Variants in COL14A1 observed in about 807,000 individuals in gnomAD.
The protein encoded by COL14A1 is collagen alpha-1(XIV) chain.
COL14A1 carries 136 observed loss-of-function variants against 230.3 expected under a neutral mutation model. The ratio of observed to expected loss-of-function variants is 0.59; its 90% confidence interval spans 0.51 to 0.68. The LOEUF (loss-of-function observed/expected upper bound fraction) is 0.68, where lower values mean the gene tolerates loss of function less well. COL14A1 is among the 30% of genes least tolerant of loss of function. The pLI is 0.00. For synonymous variants in COL14A1, 792 were observed against 784.1 expected (o/e 1.01, Z -0.17); for missense variants, 1,976 against 2,215.8 (o/e 0.89, Z 2.17).
At chr8:120,207,410 T>C (rs953603431) in intron 10 of COL14A1, among the ~76,000 whole-genome samples, 12 of 111,842 alleles carry the variant, frequency 1.1e-4, no homozygotes, top group African/African-American at 5.4e-4. Flanking sequence ...GGACCCCTTT[T>C]GCTATTTGTG....
intron 33 of COL14A1, among the ~76,000 whole-genome samples, chr8:120,286,452 C>T (rs530707497): frequency 7.9e-5 from 12 of 152,020 alleles, no homozygotes; most frequent in Admixed American, 3.3e-4. Context: ...AGTTACCCTG[C>T]GGAAAAATTT....
chr8:120,307,146 C>T (rs1007224781), intron 36 of COL14A1, among the ~76,000 whole-genome samples: 1 of 152,130 alleles, frequency 6.6e-6, no homozygotes, highest in Non-Finnish European at 1.5e-5. Flanking sequence ...GCCAAAACTG[C>T]TTAACACAAT....
chr8:120,277,600 C>T, intron 26 of COL14A1: 1 of 152,068 alleles, frequency 6.6e-6, no homozygotes, highest in East Asian at 1.9e-4. Flanking sequence ...AAATCATGTT[C>T]TTTGCAGCAA....
intron 5 of COL14A1, among the ~76,000 whole-genome samples, chr8:120,170,374 A>G (rs1389432508): frequency 6.6e-6 from 1 of 152,020 alleles, no homozygotes; most frequent in Non-Finnish European, 1.5e-5. Context: ...TATTTTCTAC[A>G]TTTCACTAGG....
chr8:120,206,789 G>T (rs1817446814), intron 9 of COL14A1, among the ~76,000 whole-genome samples, 154 bp from the exon 10 acceptor site: 1 of 152,176 alleles, frequency 6.6e-6, no homozygotes, highest in African/African-American at 2.4e-5. Flanking sequence ...TTAAATGTTT[G>T]AATGAACAAA....
At chr8:120,341,721 A>G (rs1822304179) in intron 43 of COL14A1, among the ~76,000 whole-genome samples, 1 of 152,222 alleles carries the variant, frequency 6.6e-6, no homozygotes, top group Admixed American at 6.5e-5. Context: ...TAAAAACTCT[A>G]TACAAGTGAC....
At chr8:120,350,951 A>C (rs1822741362) in intron 45 of COL14A1, among the ~76,000 whole-genome samples, 1 of 150,748 alleles carries the variant, frequency 6.6e-6, no homozygotes, top group African/African-American at 2.4e-5. Flanking sequence ...TCAGCACCAC[A>C]CCACACCTAT....
intron 9 of COL14A1, among the ~76,000 whole-genome samples, chr8:120,205,368 A>G (rs1294015870): frequency 1.3e-5 from 2 of 152,062 alleles, no homozygotes; most frequent in South Asian, 2.1e-4. Context: ...TCTTCTCTCT[A>G]CTTTTCAGCA....
intron 15 of COL14A1, 116 bp downstream of exon 15, chr8:120,225,330 ATTTCT>A (rs1586782669): frequency 3.5e-6 from 3 of 850,696 alleles, no homozygotes; most frequent in East Asian, 2.9e-5. Flanking sequence ...TTTAATTTTT[ATTTCT>A]TTTATGTTAT....
chr8:120,164,424 C>A (rs1232802861), intron 4 of COL14A1, among the ~76,000 whole-genome samples: 1 of 151,958 alleles, frequency 6.6e-6, no homozygotes, highest in East Asian at 1.9e-4. Flanking sequence ...TCCCTTTTTT[C>A]TCTTCCTCTT....
chr8:120,213,044 A>G (rs547096599), intron 13 of COL14A1, among the ~76,000 whole-genome samples: 47 of 152,332 alleles, frequency 3.1e-4, no homozygotes, highest in African/African-American at 1.1e-3. Flanking sequence ...TAGTTACTGA[A>G]TATCTGTTTA....
chr8:120,225,655 C>G (rs1203309365), intron 15 of COL14A1, among the ~76,000 whole-genome samples: 1 of 151,932 alleles, frequency 6.6e-6, no homozygotes, highest in Non-Finnish European at 1.5e-5. Context: ...TTTCCCCGAG[C>G]CTGAAATCTT....
intron 5 of COL14A1, among the ~76,000 whole-genome samples, chr8:120,171,213 T>C (rs1816084924): frequency 2.0e-5 from 3 of 152,194 alleles, no homozygotes; most frequent in South Asian, 4.1e-4. Context: ...TAATAATGCT[T>C]TAAATTCAAT....
At chr8:120,328,954 C>T (rs959459168) in intron 40 of COL14A1, among the ~76,000 whole-genome samples, 4 of 152,092 alleles carry the variant, frequency 2.6e-5, no homozygotes, top group Non-Finnish European at 5.9e-5. Flanking sequence ...GTGTTGGCCA[C>T]GGGTCCTCTG....
rs187857937 is a variant in COL14A1, at chr8:120,340,386, C to T, written c.4786-939C>T. ...TTACCTGCACACTGTGGGATGAAAC[C>T]AGAAGTTTGAATCTGGGCAACTGGT... is the stretch of plus-strand genomic sequence containing the variant. On this transcript the variant is annotated intron_variant, in intron 42 of 47. Transcript: ENST00000297848. 3.9e-3 allele frequency among the ~76,000 whole-genome samples: 595 copies of T among 152,256 alleles called. 5 individuals carry two copies. Among genetic ancestry groups the T allele is most frequent in the African/African-American group, 0.014 (572 of 41,536 alleles).
chr8:120,218,260 CTA>C (rs34633309), intron 14 of COL14A1, among the ~76,000 whole-genome samples: 57,380 of 135,416 alleles, frequency 0.42, 12,288 homozygotes, highest in Middle Eastern at 0.5. Context: ...AAGTATATGT[CTA>C]TATATATATA....
intron 37 of COL14A1, among the ~76,000 whole-genome samples, chr8:120,313,643 G>A (rs1298403137): frequency 6.6e-6 from 1 of 151,978 alleles, no homozygotes; most frequent in Admixed American, 6.5e-5. Context: ...AGTGTGGGGG[G>A]TCTCATTACT....
chr8:120,307,364 G>T (rs1820886351), intron 36 of COL14A1, among the ~76,000 whole-genome samples: 1 of 152,186 alleles, frequency 6.6e-6, no homozygotes, highest in Admixed American at 6.5e-5. Flanking sequence ...GTAGAGAAAT[G>T]ATTGATATTC....
chr8:120,283,219 G>A (rs758468169), intron 31 of COL14A1, among the ~76,000 whole-genome samples: 4 of 152,134 alleles, frequency 2.6e-5, no homozygotes, highest in Non-Finnish European at 4.4e-5. Flanking sequence ...ACAATATGTA[G>A]TAGAAAGTGA....
Sources: allele counts gnomAD v4.1 joint callset (sites outside exome capture counted in the v4.1 genomes callset), GRCh38; gene constraint gnomAD v4.1.1; transcripts MANE v1.5; gene names NCBI Gene and HGNC (gene_info 2026-07-23, HGNC 2026-07-21).